Variants in ABHD2 observed in about 807,000 individuals in gnomAD.
ABHD2 encodes the protein monoacylglycerol lipase ABHD2.
Under a neutral mutation model 48.1 loss-of-function variants are expected in ABHD2, and 20 were observed. The ratio of observed to expected loss-of-function variants is 0.42; its 90% CI spans 0.29 to 0.60. ABHD2 has a LOEUF of 0.60. ABHD2 is among the 20% of genes least tolerant of loss of function. ABHD2 has a pLI of 0.24. For missense variants in ABHD2, 405 were observed against 550.9 expected (o/e 0.74, Z 2.65); for synonymous variants, 209 against 214.2 (o/e 0.98, Z 0.21).
chr15:89,138,255 A>G (rs1239507458), intron 3 of ABHD2, among the ~76,000 whole-genome samples: 2 of 152,232 alleles, frequency 1.3e-5, no homozygotes, highest in Non-Finnish European at 2.9e-5. Flanking sequence ...CACACACAGG[A>G]AGGCCTGGAA....
upstream of ABHD2, among the ~76,000 whole-genome samples, chr15:89,084,672 G>C (rs768122320): frequency 1.3e-5 from 2 of 152,156 alleles, no homozygotes; most frequent in East Asian, 3.8e-4. This position sits in a 1 kb window ranked among gnomAD's most constrained non-coding sequence, Gnocchi z 4.4. Context: ...CTACTTCTGA[G>C]GGCTAGAACT....
In ABHD2 at chr15:89,104,689, A is replaced by G. The variant is rs753622199; in HGVS notation, c.-106-9036A>G. 2.0e-5 allele frequency among the ~76,000 whole-genome samples: 3 copies of G among 152,218 alleles called. No homozygotes were observed. Among genetic ancestry groups the G allele is most frequent in the Non-Finnish European group, 2.9e-5 (2 of 68,008 alleles). ...TTCTTTGCCTGCCTTAGGGAGTTAG[A>G]TGGGTTGAGTGGTTCTTCAGGCAAC... On this transcript the variant is annotated intron_variant, in intron 1 of 10. Transcript: ENST00000352732. This position sits in a 1 kb window ranked among gnomAD's most constrained non-coding sequence, Gnocchi z 4.4.
At chr15:89,123,593 CTTTTTTTTTTT>C in intron 3 of ABHD2, among the ~76,000 whole-genome samples, 1 of 96,662 alleles carries the variant, frequency 1.0e-5, no homozygotes, top group Non-Finnish European at 2.0e-5. Flanking sequence ...TTCTTTCTTT[CTTTTTTTTTTT>C]TTTTTTTTTT....
the ABHD2 span, among the ~76,000 whole-genome samples, chr15:89,045,101 G>C: frequency 5.3e-5 from 8 of 152,278 alleles, no homozygotes; most frequent in East Asian, 3.9e-4. Flanking sequence ...AGGAAGGGAT[G>C]CAGTTTCAGC....
At chr15:89,105,244 C>T (rs1357059869) in intron 1 of ABHD2, among the ~76,000 whole-genome samples, 2 of 152,182 alleles carry the variant, frequency 1.3e-5, no homozygotes, top group African/African-American at 4.8e-5. Context: ...CGTAAAAGTG[C>T]CCGATTAAAT....
rs138260676 is a variant in ABHD2 at position 89,165,922 on chromosome 15, A to G, written c.539-9890A>G. ...TCTCTTTGGCCGAGTGCCTTATCCC[A>G]ACAGTCCAGTATTCATGTTCAGAGC... On this transcript the variant is annotated intron_variant, in intron 5 of 10. Transcript: ENST00000352732. Among the ~76,000 whole-genome samples, 130 of 152,340 alleles carry G rather than the reference A, an allele frequency of 8.5e-4. 3 individuals carry two copies. In the East Asian group the frequency reaches 0.012, roughly 14 times the overall value.
chr15:89,167,712 A>G lies in ABHD2; in HGVS notation c.539-8100A>G, dbSNP rs1306406597. Among the ~76,000 whole-genome samples, 1 of 152,140 alleles carries G rather than the reference A, an allele frequency of 6.6e-6. No individual in the cohort carries two copies. ...GGGCCTTAACTTTATTTCTACAGCT[A>G]TTGTATTCCTGGATGACTCAGCTTT... On this transcript the variant is annotated intron_variant, in intron 5 of 10. Transcript: ENST00000352732. This position sits in a 1 kb window ranked among gnomAD's most constrained non-coding sequence, Gnocchi z 5.5.
rs891745959 is a variant in ABHD2 at position 89,184,028 on chromosome 15, C to T, written c.723-1396C>T. ...CTGGTCCTATACTCTTCCTGTAGTG[C>T]TTGGTTAGAGTCGGGCGGGGGTTGG... On this transcript the variant is annotated intron_variant, in intron 6 of 10. Transcript: ENST00000352732. The surrounding 1 kb of genome is among the most constrained non-coding windows in gnomAD (Gnocchi z 5.1). 6.6e-6 allele frequency among the ~76,000 whole-genome samples: 1 copy of T among 152,104 alleles called. No individual in the cohort carries two copies.
intron 3 of ABHD2, among the ~76,000 whole-genome samples, chr15:89,136,989 A>G (rs1332020400): frequency 1.3e-5 from 2 of 152,256 alleles, no homozygotes; most frequent in East Asian, 3.8e-4. Flanking sequence ...CTGTTTGGTT[A>G]GCACAGAGTG....
At chr15:89,048,342 A>G in the ABHD2 span, among the ~76,000 whole-genome samples, 12 of 151,996 alleles carry the variant, frequency 7.9e-5, no homozygotes, top group African/African-American at 2.9e-4. Flanking sequence ...TTTTTCCTTC[A>G]TTTCAACTTT....
At chr15:89,109,484 C>G (rs561083531) in intron 1 of ABHD2, among the ~76,000 whole-genome samples, 1 of 151,878 alleles carries the variant, frequency 6.6e-6, no homozygotes, top group African/African-American at 2.4e-5. Flanking sequence ...GGTAGGGAGA[C>G]GCTTCCTTTC....
chr15:89,147,445 C>T (rs2050512519), intron 3 of ABHD2, among the ~76,000 whole-genome samples: 1 of 150,348 alleles, frequency 6.7e-6, no homozygotes, highest in Non-Finnish European at 1.5e-5. Context: ...GCTCCGCCTC[C>T]CAGGTTTACG....
Position 89,195,838 on chromosome 15 carries a change from C to T in ABHD2, c.*415C>T, listed in dbSNP as rs1596171710. 1 of 156,756 alleles carries T rather than the reference C, an allele frequency of 6.4e-6. No homozygotes were observed. The highest frequency in any genetic ancestry group is 6.4e-5 in the Admixed American group (1 of 15,574). The allele number at this position is 156,756 out of a possible 1,614,324, so 9.7% of individuals were successfully genotyped here. On this transcript the variant is annotated 3_prime_UTR_variant, in exon 11 of 11. Coordinates refer to ENST00000352732, the MANE Select transcript of ABHD2 (RefSeq NM_152924.5). This position sits in a 1 kb window ranked among gnomAD's most constrained non-coding sequence, Gnocchi z 5.1. The stretch of plus-strand genomic sequence containing the variant: ...GTGGTTGTATGTGTCCTTACATAGA[C>T]CTTAAAAAGAGCTCACCCTTCCAGG...
At chr15:89,077,396 A>T in the ABHD2 span, among the ~76,000 whole-genome samples, 1 of 152,178 alleles carries the variant, frequency 6.6e-6, no homozygotes, top group Non-Finnish European at 1.5e-5. Context: ...GTTGATGGAC[A>T]TTTGGACAGT....
intron 5 of ABHD2, among the ~76,000 whole-genome samples, chr15:89,172,156 A>C (rs1473829660): frequency 6.6e-6 from 1 of 152,182 alleles, no homozygotes; most frequent in Admixed American, 6.5e-5. Context: ...GATAAAATGT[A>C]CATAACAAAA....
rs1158614553 is a variant in ABHD2 at position 89,168,851 on chromosome 15, C to T, written c.539-6961C>T. On this transcript the variant is annotated intron_variant, in intron 5 of 10. Transcript: ENST00000352732. This position sits in a 1 kb window ranked among gnomAD's most constrained non-coding sequence, Gnocchi z 4.8. Reference sequence around the variant, plus strand: ...CTTTGGGAAAGGAAGCCAAGGTGGGCAGACCTCTTGAGCTCAGAAGTTCGA... The same window carrying T: ...CTTTGGGAAAGGAAGCCAAGGTGGGTAGACCTCTTGAGCTCAGAAGTTCGA... 6.6e-6 allele frequency among the ~76,000 whole-genome samples: 1 copy of T among 152,098 alleles called. No individual in the cohort carries two copies. The highest frequency in any genetic ancestry group is 1.5e-5 in the Non-Finnish European group (1 of 68,014).
chr15:89,191,710 C>G (rs1163569689), intron 9 of ABHD2, among the ~76,000 whole-genome samples: 2 of 42 alleles, frequency 0.048, no homozygotes, highest in African/African-American at 0.5. Flanking sequence ...TCACTGCAAT[C>G]TCCACCTTCC....
At chr15:89,158,603 A>C (rs2150900461) in intron 5 of ABHD2, among the ~76,000 whole-genome samples, 1 of 152,334 alleles carries the variant, frequency 6.6e-6, no homozygotes, top group South Asian at 2.1e-4. Flanking sequence ...CAGATTCTTC[A>C]GCTGCAGTAA....
chr15:89,053,546 A>G, the ABHD2 span, among the ~76,000 whole-genome samples: 2 of 152,220 alleles, frequency 1.3e-5, no homozygotes, highest in East Asian at 3.9e-4. Flanking sequence ...CTAACCACCC[A>G]ATCAGATAGT....
Sources: gnomAD v4.1 joint callset for allele counts (sites outside exome capture counted in the v4.1 genomes callset) on GRCh38, gnomAD v4.1.1 for gene constraint, Gnocchi (gnomAD v3.1) non-coding constraint, MANE v1.5 for transcripts, NCBI Gene and HGNC (gene_info 2026-07-23, HGNC 2026-07-21) for gene names.